COL28A1: variants seen among roughly 807,000 people sequenced by gnomAD.
The protein encoded by COL28A1 is collagen alpha-1(XXVIII) chain.
COL28A1 carries 161 observed loss-of-function variants against 150.2 expected under a neutral mutation model. The ratio of observed to expected loss-of-function variants is 1.07; its 90% CI spans 0.94 to 1.22. COL28A1 has a LOEUF of 1.22. Ranked by LOEUF, COL28A1 falls within the 50% of genes most tolerant of loss-of-function variation. The pLI, the probability that COL28A1 is intolerant of heterozygous loss-of-function variation, is 0.00. For missense variants in COL28A1, 1,617 were observed against 1,388.3 expected (o/e 1.16, Z -2.62); for synonymous variants, 552 against 469.7 (o/e 1.18, Z -2.26).
the COL28A1 span, among the ~76,000 whole-genome samples, chr7:7,341,171 C>G: frequency 6.6e-6 from 1 of 152,130 alleles, no homozygotes; most frequent in Non-Finnish European, 1.5e-5. Context: ...TCCAGACACC[C>G]AGTGTATGAT....
intron 27 of COL28A1, among the ~76,000 whole-genome samples, chr7:7,409,126 G>A (rs1321886996): frequency 1.3e-5 from 2 of 152,170 alleles, no homozygotes; most frequent in East Asian, 3.9e-4. Context: ...GGAGCCCAAA[G>A]CTCTAAGTAC....
Position 7,520,079 on chromosome 7 carries a change from C to T in COL28A1, c.796G>A (p.Gly266Arg). ...HGNPGIKGER[G>R]PKGNPGNAQK... ...TCATTTACCGGGTTTCCTTTTGGTC[C>T]TCGCTCACCTTTGATACCTGGATTT... is the stretch of plus-strand genomic sequence containing the variant. The change falls in exon 6 of 35, where the codon GGA becomes AGA. Residue 266 changes from glycine to arginine, a missense_variant. Coordinates refer to ENST00000399429, the MANE Select transcript of COL28A1 (RefSeq NM_001037763.3). The T allele has an allele frequency of 2.8e-6, 4 of 1,439,930 alleles. No individual in the cohort carries two copies. Among genetic ancestry groups the T allele is most frequent in the Non-Finnish European group, 2.9e-6 (3 of 1,022,476 alleles). The allele number at this position is 1,439,930 out of a possible 1,614,324, so 89.2% of individuals were successfully genotyped here.
rs765122403 is a variant in COL28A1 at position 7,381,621 on chromosome 7, G to C, written c.2137-9C>G. 1.9e-5 allele frequency: 31 copies of C among 1,607,380 alleles called. No homozygotes were observed. The South Asian group carries it at 3.3e-4, about 17-fold the overall frequency. On this transcript the variant is annotated splice_polypyrimidine_tract_variant and intron_variant, in intron 27 of 34. Coordinates refer to ENST00000399429, the MANE Select transcript of COL28A1 (RefSeq NM_001037763.3). ...TGTGGTCCTTGTTCCCCCTACATAG[G>C]ATATGAGAAAGAGATGTTCTATTAA...
upstream of COL28A1, among the ~76,000 whole-genome samples, chr7:7,540,770 T>C (rs550428900): frequency 6.6e-6 from 1 of 152,350 alleles, no homozygotes; most frequent in East Asian, 1.9e-4. Context: ...GTCTCACCTC[T>C]CACTGTGTAA....
chr7:7,376,369 T>C (rs1344549994), intron 30 of COL28A1, among the ~76,000 whole-genome samples: 1 of 152,248 alleles, frequency 6.6e-6, no homozygotes, highest in Non-Finnish European at 1.5e-5. Context: ...GTGGAGGTGA[T>C]GTAGCCTGTA....
chr7:7,382,650 T>C (rs1404778823), intron 27 of COL28A1, among the ~76,000 whole-genome samples: 1 of 152,272 alleles, frequency 6.6e-6, no homozygotes, highest in Non-Finnish European at 1.5e-5. Context: ...TTATTAGTAA[T>C]GAGTCTCTGG....
At chr7:7,374,205 C>T (rs1583237782) in intron 31 of COL28A1, among the ~76,000 whole-genome samples, 1 of 152,068 alleles carries the variant, frequency 6.6e-6, no homozygotes, top group East Asian at 1.9e-4. Flanking sequence ...AGAGAGGTAA[C>T]CACCATCTGA....
At chr7:7,414,376 C>T (rs915062541) in intron 27 of COL28A1, among the ~76,000 whole-genome samples, 26 of 152,214 alleles carry the variant, frequency 1.7e-4, no homozygotes, top group Admixed American at 1.4e-3. Flanking sequence ...CAGCCACAGT[C>T]CCATATTCAT....
chr7:7,455,628 A>C (rs897773823), intron 16 of COL28A1, among the ~76,000 whole-genome samples: 3 of 152,180 alleles, frequency 2.0e-5, no homozygotes, highest in Non-Finnish European at 4.4e-5. Context: ...ATATGTGGCT[A>C]GTTAGAGTGG....
intron 26 of COL28A1, 35 bp from the exon 27 acceptor site, chr7:7,417,962 G>C: frequency 2.6e-6 from 4 of 1,553,720 alleles, no homozygotes; most frequent in African/African-American, 1.4e-5. Flanking sequence ...AAGACAAAAT[G>C]TAAGAAGATC....
intron 27 of COL28A1, among the ~76,000 whole-genome samples, chr7:7,394,153 C>T (rs1782711546): frequency 6.6e-6 from 1 of 152,158 alleles, no homozygotes; most frequent in Non-Finnish European, 1.5e-5. Flanking sequence ...TTCCTCATGG[C>T]ACAGTCCCTC....
chr7:7,519,584 T>G lies in COL28A1; in HGVS notation c.813+478A>C, dbSNP rs367967974. On this transcript the variant is annotated intron_variant, in intron 6 of 34. Transcript: ENST00000399429. ...ATGTTTTCTTTAAAAGCCTGGGATT[T>G]TTTTTGATAGGTACACAGAGAAAAG... 1.4e-4 allele frequency among the ~76,000 whole-genome samples: 22 copies of G among 152,332 alleles called. No individual in the cohort carries two copies. In the East Asian group the frequency reaches 3.7e-3, roughly 25 times the overall value.
chr7:7,342,096 C>T, the COL28A1 span, among the ~76,000 whole-genome samples: 18 of 152,056 alleles, frequency 1.2e-4, no homozygotes, highest in Non-Finnish European at 2.2e-4. Context: ...GTCCCTTTCA[C>T]TTTATATCTT....
At chr7:7,536,331 G>A (rs1427942222), upstream of COL28A1, among the ~76,000 whole-genome samples, 2 of 152,028 alleles carry the variant, frequency 1.3e-5, no homozygotes, top group Non-Finnish European at 2.9e-5. Context: ...TATAATAAAA[G>A]GTATATATAA....
intron 3 of COL28A1, among the ~76,000 whole-genome samples, chr7:7,524,560 G>T (rs544669012): frequency 6.6e-6 from 1 of 152,220 alleles, no homozygotes; most frequent in South Asian, 2.1e-4. Flanking sequence ...TGACTATAAA[G>T]TTAATCAGTC....
At chr7:7,374,217 A>G (rs1430171329) in intron 31 of COL28A1, among the ~76,000 whole-genome samples, 1 of 151,908 alleles carries the variant, frequency 6.6e-6, no homozygotes, top group Non-Finnish European at 1.5e-5. Flanking sequence ...ACCATCTGAC[A>G]TTTGCTCTTT....
chr7:7,370,199 A>G (rs946383585), intron 33 of COL28A1, among the ~76,000 whole-genome samples: 2 of 152,190 alleles, frequency 1.3e-5, no homozygotes, highest in African/African-American at 4.8e-5. Flanking sequence ...CACCATATGC[A>G]TATATAGCCT....
chr7:7,479,685 A>C (rs755520980), intron 13 of COL28A1, among the ~76,000 whole-genome samples: 1 of 152,240 alleles, frequency 6.6e-6, no homozygotes, highest in Non-Finnish European at 1.5e-5. Context: ...GCAATGATTC[A>C]AATTAAGAAG....
At chr7:7,430,552 T>C (rs1291555488) in intron 25 of COL28A1, among the ~76,000 whole-genome samples, 1 of 152,212 alleles carries the variant, frequency 6.6e-6, no homozygotes, top group African/African-American at 2.4e-5. Flanking sequence ...AAATTCATAA[T>C]AATCTACTCT....
Sources: allele counts gnomAD v4.1 joint callset (sites outside exome capture counted in the v4.1 genomes callset), GRCh38; gene constraint gnomAD v4.1.1; transcripts MANE v1.5; gene names NCBI Gene and HGNC (gene_info 2026-07-23, HGNC 2026-07-21).